Variants in AGBL3 observed in about 807,000 individuals in gnomAD.
AGBL3 encodes the protein cytosolic carboxypeptidase 3.
In AGBL3, 68 loss-of-function variants were observed where a neutral mutation model predicts 94.5. The ratio of observed to expected loss-of-function variants is 0.72; its 90% CI spans 0.59 to 0.88. AGBL3 has a LOEUF of 0.88. Ranked by LOEUF, AGBL3 falls within the 40% of genes least tolerant of loss-of-function variation. The probability of loss-of-function intolerance (pLI) is 0.00; values close to 1 mark genes in which losing one functional copy is unlikely to be tolerated. For missense variants in AGBL3, 934 were observed against 1,103.8 expected (o/e 0.85, Z 2.18); for synonymous variants, 354 against 370.7 (o/e 0.95, Z 0.52).
intron 4 of AGBL3, among the ~76,000 whole-genome samples, chr7:135,008,709 C>T (rs1211352388): frequency 1.3e-5 from 2 of 151,828 alleles, no homozygotes; most frequent in Admixed American, 6.6e-5. Context: ...ATAAAACCCA[C>T]AGAACAAGAG....
intron 5 of AGBL3, among the ~76,000 whole-genome samples, chr7:135,020,603 T>C (rs1268120956): frequency 6.6e-6 from 1 of 152,186 alleles, no homozygotes; most frequent in Non-Finnish European, 1.5e-5. Flanking sequence ...TAAAGATACA[T>C]GCACACATAT....
chr7:135,035,944 G>T (rs1425388598), intron 7 of AGBL3, among the ~76,000 whole-genome samples: 3 of 151,988 alleles, frequency 2.0e-5, no homozygotes, highest in African/African-American at 4.8e-5. Context: ...TGTTATCAAT[G>T]AGAATTTATT....
chr7:135,069,873 C>G (rs1184268762), intron 12 of AGBL3, among the ~76,000 whole-genome samples: 1 of 152,124 alleles, frequency 6.6e-6, no homozygotes, highest in African/African-American at 2.4e-5. Flanking sequence ...TAACTAAGAT[C>G]AGAGCAGAAC....
chr7:135,134,861 G>A lies in AGBL3; in HGVS notation c.2363G>A (p.Arg788Lys), dbSNP rs1829263772. Residue 788 changes from arginine to lysine, a missense_variant, in exon 17 of 17, where the codon AGA becomes AAA. This residue lies in a region of AGBL3 where 441 missense variants were observed against 518.2 expected (regional missense o/e 0.85). Coordinates refer to ENST00000436302, the MANE Select transcript of AGBL3 (RefSeq NM_178563.4). ...TCTAGACTAAATCCGGCTACTTGCAGAAATATAAAGAAATACAGCACATCT... is the reference window on the plus strand; with the variant it reads ...TCTAGACTAAATCCGGCTACTTGCAAAAATATAAAGAAATACAGCACATCT... ...IQHQLNPATC[R>K]NIKKYSTSWT... is the part of the protein sequence containing the mutation. 1 of 1,548,406 alleles carries A rather than the reference G, an allele frequency of 6.5e-7. No homozygotes were observed. Among genetic ancestry groups the A allele is most frequent in the Admixed American group, 2.0e-5 (1 of 50,342 alleles).
chr7:135,071,272 A>G (rs933769061), intron 12 of AGBL3, among the ~76,000 whole-genome samples: 2 of 152,158 alleles, frequency 1.3e-5, no homozygotes, highest in Non-Finnish European at 2.9e-5. Flanking sequence ...GGAAGAATCA[A>G]TATCGTGAAA....
At chr7:135,045,719 C>T (rs1817293466) in intron 10 of AGBL3, 80 bp from the exon 11 acceptor site, 1 of 1,325,504 alleles carries the variant, frequency 7.5e-7, no homozygotes, top group Admixed American at 2.2e-5. Flanking sequence ...ACAATTGTTC[C>T]AGGTGTCTAT....
chr7:135,115,641 CTATT>C (rs1385962720), intron 16 of AGBL3, 30 bp downstream of exon 16: 2 of 1,426,156 alleles, frequency 1.4e-6, no homozygotes. Context: ...TCACTCTTAT[CTATT>C]TAACACATCT....
intron 4 of AGBL3, among the ~76,000 whole-genome samples, chr7:134,994,377 T>C: frequency 6.6e-6 from 1 of 152,156 alleles, no homozygotes; most frequent in Admixed American, 6.5e-5. Flanking sequence ...GTATATATTT[T>C]AGTATATATA....
chr7:135,050,657 C>T (rs1257300606), intron 11 of AGBL3, among the ~76,000 whole-genome samples: 1 of 151,934 alleles, frequency 6.6e-6, no homozygotes, highest in Non-Finnish European at 1.5e-5. Flanking sequence ...TTTATCATTA[C>T]ATAATATCTT....
At position 135,033,124 on chromosome 7, in the gene AGBL3, G is replaced by A. The variant is rs922333507; in HGVS notation, c.557+142G>A. ...CTATTAATAATTAGAAATTGTTGTGGAGGAGGGGAGTATAAAAGATTCTGA... is the reference window on the plus strand; with the variant it reads ...CTATTAATAATTAGAAATTGTTGTGAAGGAGGGGAGTATAAAAGATTCTGA... On this transcript the variant is annotated intron_variant, in intron 6 of 16. Coordinates refer to ENST00000436302, the MANE Select transcript of AGBL3 (RefSeq NM_178563.4). 5.5e-6 allele frequency: 5 copies of A among 914,812 alleles called. No individual in the cohort carries two copies. The African/African-American group carries it at 6.9e-5, about 13-fold the overall frequency. 56.7% of individuals were successfully genotyped at this position (914,812 alleles called of 1,614,324 possible). A position where few individuals can be genotyped will look rare whatever the true frequency, so the allele number is the denominator to read the frequency against.
In AGBL3 at chr7:135,100,193, T is replaced by TA. The variant is rs373010081; in HGVS notation, c.2111-15173dup. ...GAGCCACTGCACCCGAGTTTCTCTT[T>TA]AAAAAAAAAAAAAACACTGGTGGCA... On this transcript the variant is annotated intron_variant, in intron 15 of 16. Transcript: ENST00000436302. 632 of 145,792 alleles carry TA rather than the reference T, an allele frequency of 4.3e-3. 5 individuals are homozygous for TA. The highest frequency in any genetic ancestry group is 0.011 in the Middle Eastern group (3 of 284). 9.0% of individuals were successfully genotyped at this position (145,792 alleles called of 1,614,324 possible). A position where few individuals can be genotyped will look rare whatever the true frequency, so the allele number is the denominator to read the frequency against.
At chr7:135,013,917 G>A (rs959890274) in intron 4 of AGBL3, among the ~76,000 whole-genome samples, 4 of 152,206 alleles carry the variant, frequency 2.6e-5, no homozygotes, top group African/African-American at 7.2e-5. Flanking sequence ...AATGTTGGCC[G>A]GGCGCAGTGG....
chr7:135,042,165 T>C (rs1816915188), intron 8 of AGBL3, among the ~76,000 whole-genome samples: 5 of 152,194 alleles, frequency 3.3e-5, no homozygotes, highest in Admixed American at 3.3e-4. Flanking sequence ...ATCTCATTCC[T>C]AGGTATTTAC....
chr7:135,050,799 C>T (rs913258826), intron 11 of AGBL3, among the ~76,000 whole-genome samples: 1 of 151,910 alleles, frequency 6.6e-6, no homozygotes, highest in Admixed American at 6.6e-5. Flanking sequence ...CTACGTATTT[C>T]CTTAAATCTA....
chr7:134,996,137 G>C (rs890976040), intron 4 of AGBL3, among the ~76,000 whole-genome samples: 3 of 152,154 alleles, frequency 2.0e-5, no homozygotes, highest in Admixed American at 6.5e-5. Context: ...CACAGGATAC[G>C]GTGCAGCAAG....
intron 8 of AGBL3, among the ~76,000 whole-genome samples, chr7:135,039,526 G>A (rs9640892): frequency 0.44 from 66,234 of 151,514 alleles, 15,099 homozygotes; most frequent in East Asian, 0.78. Context: ...CTTGAGGTCA[G>A]GAGTTCAAGA....
intron 15 of AGBL3, among the ~76,000 whole-genome samples, chr7:135,110,020 A>C (rs1353587419): frequency 2.0e-5 from 3 of 152,172 alleles, no homozygotes; most frequent in Admixed American, 1.3e-4. Context: ...AAAGTAGTCT[A>C]GCTTCTTTTC....
In AGBL3 at chr7:135,070,291, G is replaced by C. The variant is rs1329553311; in HGVS notation, c.1909-6106G>C. ...ATGGATTCACAGCCGAATTCTACCA[G>C]ATGTACAAGGAGGAGCTGGTACCAT... On this transcript the variant is annotated intron_variant, in intron 12 of 16. Transcript: ENST00000436302. Among the ~76,000 whole-genome samples, 10 of 152,148 alleles carry C rather than the reference G, an allele frequency of 6.6e-5. No individual in the cohort carries two copies. The East Asian group carries it at 1.7e-3, about 26-fold the overall frequency.
chr7:134,988,190 A>G (rs186175616), intron 2 of AGBL3, 194 bp downstream of exon 2: 1 of 408,390 alleles, frequency 2.4e-6, no homozygotes, highest in East Asian at 4.3e-5. Context: ...AGAAAGAGAA[A>G]CTATATTTGT....
Sources: allele counts gnomAD v4.1 joint callset (sites outside exome capture counted in the v4.1 genomes callset), GRCh38; gene constraint gnomAD v4.1.1; regional missense constraint gnomAD v4.1.1; transcripts MANE v1.5; gene names NCBI Gene and HGNC (gene_info 2026-07-23, HGNC 2026-07-21).